The following CADPS variants were observed in gnomAD, a reference collection of about 807,000 sequenced individuals.
CADPS encodes the protein calcium-dependent secretion activator 1.
A neutral mutation model predicts 167.3 loss-of-function variants in CADPS; 57 were observed. The observed-to-expected ratio is 0.34, with a 90% CI of 0.28 to 0.42. The LOEUF is 0.42. Among genes scored for constraint, CADPS ranks in the 20% least tolerant of loss-of-function variants. The pLI, the probability that CADPS is intolerant of heterozygous loss-of-function variation, is 1.00. For missense variants in CADPS, 1,414 were observed against 1,738.1 expected (o/e 0.81, Z 3.32); for synonymous variants, 676 against 635.3 (o/e 1.06, Z -0.96).
intron 3 of CADPS, among the ~76,000 whole-genome samples, chr3:62,688,090 T>A (rs972178735): frequency 6.6e-6 from 1 of 152,058 alleles, no homozygotes; most frequent in Non-Finnish European, 1.5e-5. Flanking sequence ...TTCCATCAGT[T>A]AATCGAGAAT....
intron 3 of CADPS, among the ~76,000 whole-genome samples, chr3:62,697,471 G>A (rs4270499): frequency 0.55 from 83,101 of 151,874 alleles, 24,301 homozygotes; most frequent in East Asian, 0.89. Context: ...GCATTCTATC[G>A]TATATATACC....
At chr3:62,748,412 G>A (rs914554164) in intron 3 of CADPS, among the ~76,000 whole-genome samples, 12 of 142,106 alleles carry the variant, frequency 8.4e-5, no homozygotes, top group Non-Finnish European at 1.4e-4. Context: ...ATGCACATTT[G>A]AGGTATTTTT....
chr3:62,679,093 GA>G (rs1179505870), intron 3 of CADPS, among the ~76,000 whole-genome samples: 4 of 151,798 alleles, frequency 2.6e-5, no homozygotes, highest in Admixed American at 2.0e-4. Context: ...TGGAATTCCT[GA>G]AAAAAAGTGA....
At position 62,805,695 on chromosome 3, in the gene CADPS, C is replaced by T. The variant is rs190422880; in HGVS notation, c.442-39711G>A. Among the ~76,000 whole-genome samples the T allele has an allele frequency of 2.0e-5, 3 of 152,276 alleles. No individual in the cohort carries two copies. In the East Asian group the frequency reaches 5.8e-4, roughly 29 times the overall value. On this transcript the variant is annotated intron_variant, in intron 1 of 29. Coordinates refer to ENST00000383710, the MANE Select transcript of CADPS (RefSeq NM_003716.4). ...CTAGATCCATTCTCTTCCCTTTTCC[C>T]CTCTGCTCTGTGTTCAGGGATGCTG...
chr3:62,450,050 T>G (rs1488539708), intron 26 of CADPS, among the ~76,000 whole-genome samples: 3 of 152,200 alleles, frequency 2.0e-5, no homozygotes, highest in African/African-American at 7.2e-5. Context: ...CTTACCGGTG[T>G]AGACAAAGCA....
At chr3:62,687,731 C>T (rs1373655330) in intron 3 of CADPS, among the ~76,000 whole-genome samples, 7 of 98,472 alleles carry the variant, frequency 7.1e-5, no homozygotes, top group African/African-American at 1.4e-4. Context: ...GGGTTCCCTT[C>T]GCATTTTTTT....
chr3:62,619,608 T>C (rs1414725949), intron 6 of CADPS, among the ~76,000 whole-genome samples: 2 of 152,150 alleles, frequency 1.3e-5, no homozygotes, highest in East Asian at 1.9e-4. Context: ...AGGCTTTCTC[T>C]AGTCCCTGCA....
At chr3:62,471,067 T>G (rs2060547480) in intron 24 of CADPS, among the ~76,000 whole-genome samples, 2 of 152,308 alleles carry the variant, frequency 1.3e-5, no homozygotes, top group African/African-American at 4.8e-5. Flanking sequence ...GGGACTTTAT[T>G]TAATACCCAA....
intron 3 of CADPS, among the ~76,000 whole-genome samples, chr3:62,666,752 T>A (rs1284909946): frequency 6.6e-6 from 1 of 152,116 alleles, no homozygotes; most frequent in Non-Finnish European, 1.5e-5. Context: ...TCAGTTCAAG[T>A]CCACCAGAGA....
Position 62,438,312 on chromosome 3 carries a change from A to C in CADPS, c.3670-101T>G. On this transcript the variant is annotated intron_variant, in intron 27 of 29. Transcript: ENST00000383710. This position sits in a 1 kb window ranked among gnomAD's most constrained non-coding sequence, Gnocchi z 4.7. ...TCTACTTGCCCTCACACACCCTGAG[A>C]TGCTTCTGCTGGATCAGCTTTGTAG... The C allele has an allele frequency of 1.2e-6, 1 of 801,570 alleles. No individual in the cohort carries two copies. The highest frequency in any genetic ancestry group is 1.7e-5 in the African/African-American group (1 of 59,114). 49.7% of individuals were successfully genotyped at this position (801,570 alleles called of 1,614,324 possible). A position where few individuals can be genotyped will look rare whatever the true frequency, so the allele number is the denominator to read the frequency against.
At chr3:62,426,911 CAAA>C (rs34473998) in intron 28 of CADPS, among the ~76,000 whole-genome samples, 1 of 141,858 alleles carries the variant, frequency 7.0e-6, no homozygotes, top group African/African-American at 2.6e-5. Flanking sequence ...ACTAAAAATA[CAAA>C]AAAAAAAAAA....
rs2049097939 is a variant in CADPS at position 62,412,221 on chromosome 3, C to T, written c.3778-9036G>A. Among the ~76,000 whole-genome samples, 1 of 149,338 alleles carries T rather than the reference C, an allele frequency of 6.7e-6. No individual in the cohort carries two copies. Among genetic ancestry groups the T allele is most frequent in the East Asian group, 2.0e-4 (1 of 5,034 alleles). On this transcript the variant is annotated intron_variant, in intron 28 of 29. Coordinates refer to ENST00000383710, the MANE Select transcript of CADPS (RefSeq NM_003716.4). The surrounding 1 kb of genome is among the most constrained non-coding windows in gnomAD (Gnocchi z 4.1). Reference sequence around the variant, plus strand: ...CCATGCCACTGAAGTCTTTACAAAGCTATCAGTGCTGTGGCTTTTCAGGAT... The same window carrying T: ...CCATGCCACTGAAGTCTTTACAAAGTTATCAGTGCTGTGGCTTTTCAGGAT...
rs183026403 is a variant in CADPS at position 62,780,006 on chromosome 3, T to C, written c.442-14022A>G. ...GTTTAGAAGGGATTCATCATTGAAC[T>C]GAGGGCTAGTGGCTACCACAGCCCC... On this transcript the variant is annotated intron_variant, in intron 1 of 29. Transcript: ENST00000383710. Among the ~76,000 whole-genome samples the C allele has an allele frequency of 7.9e-5, 12 of 152,330 alleles. No homozygotes were observed. The East Asian group carries it at 2.1e-3, about 27-fold the overall frequency.
intron 3 of CADPS, among the ~76,000 whole-genome samples, chr3:62,673,536 C>T (rs1269296424): frequency 2.0e-5 from 3 of 152,270 alleles, no homozygotes; most frequent in East Asian, 1.9e-4. Flanking sequence ...ATTCACTAAA[C>T]ACTTGCCTTG....
chr3:62,562,358 C>A (rs191295849), intron 9 of CADPS, among the ~76,000 whole-genome samples: 1 of 152,252 alleles, frequency 6.6e-6, no homozygotes, highest in East Asian at 1.9e-4. Flanking sequence ...TAGAGTCATG[C>A]AGAACTGGAT....
At chr3:62,543,878 T>G (rs1180793203) in intron 11 of CADPS, among the ~76,000 whole-genome samples, 1 of 152,200 alleles carries the variant, frequency 6.6e-6, no homozygotes, top group Non-Finnish European at 1.5e-5. Context: ...TGTTCTTTTT[T>G]ATTAATAACT....
rs1325301949 is a variant in CADPS at position 62,874,829 on chromosome 3, G to A, written c.201C>T (p.Ser67=). 63 of 1,035,576 alleles carry A rather than the reference G, an allele frequency of 6.1e-5. 1 individual carries two copies. The South Asian group carries it at 2.1e-3, about 34-fold the overall frequency. 64.1% of individuals were successfully genotyped at this position (1,035,576 alleles called of 1,614,324 possible). A position where few individuals can be genotyped will look rare whatever the true frequency, so the allele number is the denominator to read the frequency against. The change falls in exon 1 of 30, where the codon AGC becomes AGT. Residue 67 remains serine, a synonymous_variant. Coordinates refer to ENST00000383710, the MANE Select transcript of CADPS (RefSeq NM_003716.4). The surrounding 1 kb of genome is among the most constrained non-coding windows in gnomAD (Gnocchi z 7.1). The part of the protein sequence containing the change: ...AGVGAGGGGG[S]GASSGGGAGG... ...CGGCCCCGCCGCCGCTGCTCGCGCC[G>A]CTGCCCCCGCCGCCGCCTGCACCCA...
At chr3:62,640,638 A>G (rs2067226947) in intron 6 of CADPS, among the ~76,000 whole-genome samples, 1 of 152,196 alleles carries the variant, frequency 6.6e-6, no homozygotes, top group Non-Finnish European at 1.5e-5. Flanking sequence ...CCTGGCAATA[A>G]TGAAATTCAT....
chr3:62,560,813 G>T (rs943050692), intron 9 of CADPS, among the ~76,000 whole-genome samples: 1 of 152,144 alleles, frequency 6.6e-6, no homozygotes, highest in South Asian at 2.1e-4. Flanking sequence ...GGGCGCAGTG[G>T]CTTACGCCTG....
Sources: gnomAD v4.1 joint callset for allele counts (sites outside exome capture counted in the v4.1 genomes callset) on GRCh38, gnomAD v4.1.1 for gene constraint, Gnocchi (gnomAD v3.1) non-coding constraint, MANE v1.5 for transcripts, NCBI Gene and HGNC (gene_info 2026-07-23, HGNC 2026-07-21) for gene names.